SEMA3E: variants seen among roughly 807,000 people sequenced by gnomAD.
SEMA3E encodes the protein semaphorin-3E.
A neutral mutation model predicts 93.6 loss-of-function variants in SEMA3E; 49 were observed. The ratio of observed to expected loss-of-function variants is 0.52; its 90% CI spans 0.42 to 0.66. SEMA3E has a LOEUF of 0.66. SEMA3E is among the 30% of genes least tolerant of loss of function. SEMA3E has a pLI of 0.00. For synonymous variants in SEMA3E, 363 were observed against 330.7 expected, an observed-to-expected ratio of 1.10 and a Z score of -1.06; for missense variants, 906 against 964.8, an observed-to-expected ratio of 0.94 and a Z score of 0.81.
intron 1 of SEMA3E, among the ~76,000 whole-genome samples, chr7:83,555,447 A>C (rs1321487751): frequency 6.6e-6 from 1 of 152,214 alleles, no homozygotes; most frequent in Non-Finnish European, 1.5e-5. Flanking sequence ...CTCACCATAA[A>C]GATAAAAGCA....
chr7:83,623,229 T>C (rs980529565), intron 1 of SEMA3E, among the ~76,000 whole-genome samples: 16 of 151,954 alleles, frequency 1.1e-4, no homozygotes, highest in African/African-American at 3.4e-4. Context: ...ATATAATTTA[T>C]AAAAAGAAAA....
In SEMA3E at chr7:83,648,882, G is replaced by GA. The variant is rs748082408; in HGVS notation, c.-341dup. ...TCACTTGGGCAAAGCTGTTCATTCA[G>GA]AAAAAAAAAAAAAAAAGAGAGAAAA... On this transcript the variant is annotated 5_prime_UTR_variant, in exon 1 of 17. Transcript: ENST00000643230. 3,026 of 86,644 alleles carry GA rather than the reference G, an allele frequency of 0.035. 21 individuals are homozygous for GA. Among genetic ancestry groups the GA allele is most frequent in the Non-Finnish European group, 0.052 (2,052 of 39,328 alleles). 5.4% of individuals were successfully genotyped at this position (86,644 alleles called of 1,614,324 possible).
At chr7:83,412,988 T>C (rs931297199) in intron 5 of SEMA3E, among the ~76,000 whole-genome samples, 3 of 152,138 alleles carry the variant, frequency 2.0e-5, no homozygotes, top group Admixed American at 6.5e-5. Flanking sequence ...CATTATATTG[T>C]GATTAAAAGA....
At chr7:83,536,251 C>T (rs1189249914) in intron 1 of SEMA3E, among the ~76,000 whole-genome samples, 1 of 151,512 alleles carries the variant, frequency 6.6e-6, no homozygotes, top group Non-Finnish European at 1.5e-5. Context: ...ACTGAATCTC[C>T]GTTTAAAGGG....
intron 1 of SEMA3E, among the ~76,000 whole-genome samples, chr7:83,600,455 G>T (rs1412875044): frequency 6.8e-6 from 1 of 147,444 alleles, no homozygotes; most frequent in African/African-American, 2.5e-5. Flanking sequence ...GAGTAGCTGG[G>T]ACTACAGGCG....
chr7:83,588,680 CACCTTAAAATGATTTAATTT>C (rs1792685184), intron 1 of SEMA3E, among the ~76,000 whole-genome samples: 1 of 152,174 alleles, frequency 6.6e-6, no homozygotes. Context: ...CTATCCTACT[CACCTTAAAATGATTTAATTT>C]TGATCCTAAA....
chr7:83,644,179 G>A (rs1029553630), intron 1 of SEMA3E, among the ~76,000 whole-genome samples: 48 of 143,714 alleles, frequency 3.3e-4, no homozygotes, highest in African/African-American at 9.8e-4. Flanking sequence ...GTAACAAATC[G>A]ATATGTGTAC....
At chr7:83,587,124 T>C (rs1010605960) in intron 1 of SEMA3E, among the ~76,000 whole-genome samples, 1 of 152,132 alleles carries the variant, frequency 6.6e-6, no homozygotes, top group Non-Finnish European at 1.5e-5. Context: ...CACAATATCA[T>C]CACCTAAAGC....
At chr7:83,509,772 C>T (rs1445073880) in intron 1 of SEMA3E, among the ~76,000 whole-genome samples, 2 of 152,056 alleles carry the variant, frequency 1.3e-5, no homozygotes, top group Non-Finnish European at 2.9e-5. Flanking sequence ...AAAAAATTTC[C>T]CCAGGTAATT....
intron 4 of SEMA3E, 130 bp downstream of exon 4, chr7:83,466,352 C>G (rs1382060166): frequency 1.3e-5 from 14 of 1,119,810 alleles, no homozygotes; most frequent in Middle Eastern, 2.1e-4. Flanking sequence ...ATTTCTCTGT[C>G]TCAAGCAAAC....
At chr7:83,425,957 C>T (rs1584240668) in intron 4 of SEMA3E, among the ~76,000 whole-genome samples, 2 of 144,512 alleles carry the variant, frequency 1.4e-5, no homozygotes, top group African/African-American at 5.3e-5. Context: ...AAGTAGCCAA[C>T]AACCATATGA....
At chr7:83,389,954 GTATAGTGTATACGTA>G (rs1205330750) in intron 14 of SEMA3E, among the ~76,000 whole-genome samples, 9 of 23,422 alleles carry the variant, frequency 3.8e-4, no homozygotes, top group African/African-American at 6.9e-4. Context: ...ACGTATATGT[GTATAGTGTATACGTA>G]TACACATATA....
At chr7:83,633,418 C>A (rs1303267404) in intron 1 of SEMA3E, among the ~76,000 whole-genome samples, 1 of 152,156 alleles carries the variant, frequency 6.6e-6, no homozygotes, top group Non-Finnish European at 1.5e-5. Flanking sequence ...GCTTCTACCA[C>A]ATTTGATTTC....
Position 83,648,587 on chromosome 7 carries a change from G to A in SEMA3E, c.-45C>T. On this transcript the variant is annotated 5_prime_UTR_variant, in exon 1 of 17. Transcript: ENST00000643230. ...AAGCCCTCGCTCCTCACTTTAAGGA[G>A]GGTCTGAGTTTTACTTAGGACTTCC... 6.8e-7 allele frequency: 1 copy of A among 1,477,588 alleles called. No individual in the cohort carries two copies. 91.5% of individuals were successfully genotyped at this position (1,477,588 alleles called of 1,614,324 possible).
At chr7:83,389,761 CAT>C (rs561898757) in intron 14 of SEMA3E, among the ~76,000 whole-genome samples, 156 of 130,864 alleles carry the variant, frequency 1.2e-3, no homozygotes, top group African/African-American at 3.9e-3. Context: ...TACATGTATA[CAT>C]ATATACACGT....
intron 4 of SEMA3E, among the ~76,000 whole-genome samples, chr7:83,423,591 C>A (rs1233665767): frequency 6.6e-6 from 1 of 150,776 alleles, no homozygotes; most frequent in Non-Finnish European, 1.5e-5. Context: ...GCAAGCTCTG[C>A]CTCCCGGGTT....
At chr7:83,402,511 G>T (rs1437798288) in intron 10 of SEMA3E, 121 bp downstream of exon 10, 15 of 833,610 alleles carry the variant, frequency 1.8e-5, no homozygotes, top group Non-Finnish European at 1.4e-5. Flanking sequence ...TTTTCACCAA[G>T]CATACTTTTA....
chr7:83,616,588 C>T (rs993345526), intron 1 of SEMA3E: 6 of 331,390 alleles, frequency 1.8e-5, no homozygotes, highest in African/African-American at 1.4e-4. Context: ...TGAAACTCCA[C>T]TAAAACTTCT....
At chr7:83,553,028 T>C (rs1791798268) in intron 1 of SEMA3E, among the ~76,000 whole-genome samples, 1 of 152,148 alleles carries the variant, frequency 6.6e-6, no homozygotes, top group Admixed American at 6.5e-5. Context: ...GCATGTGATC[T>C]TTGTACCTAC....
Sources: allele counts gnomAD v4.1 joint callset (sites outside exome capture counted in the v4.1 genomes callset), GRCh38; gene constraint gnomAD v4.1.1; transcripts MANE v1.5; gene names NCBI Gene and HGNC (gene_info 2026-07-23, HGNC 2026-07-21).